Variants in LRRTM1 observed in about 807,000 individuals in gnomAD.
LRRTM1 encodes the protein leucine rich repeat transmembrane neuronal 1.
In LRRTM1, 8 loss-of-function variants were observed where a neutral mutation model predicts 37.3. The ratio of observed to expected loss-of-function variants is 0.21; its 90% CI spans 0.13 to 0.39. The LOEUF is 0.39. Among genes scored for constraint, LRRTM1 ranks in the 10% least tolerant of loss-of-function variants. The probability of loss-of-function intolerance (pLI) is 1.00; values close to 1 mark genes in which losing one functional copy is unlikely to be tolerated. For missense variants in LRRTM1, 557 were observed against 691.0 expected, an observed-to-expected ratio of 0.81 and a Z score of 2.17; for synonymous variants, 326 against 316.8, an observed-to-expected ratio of 1.03 and a Z score of -0.31.
At chr2:80,300,330 G>C (rs568300259), downstream of LRRTM1, among the ~76,000 whole-genome samples, 2 of 139,940 alleles carry the variant, frequency 1.4e-5, no homozygotes, top group East Asian at 4.2e-4. Flanking sequence ...GTGTGTGTGT[G>C]TGTAAGAAGC....
At chr2:80,297,075 C>G (rs201004402), downstream of LRRTM1, among the ~76,000 whole-genome samples, 1 of 152,328 alleles carries the variant, frequency 6.6e-6, no homozygotes, top group East Asian at 1.9e-4. Context: ...CCGGAGAAGT[C>G]TCCTCTATTG....
chr2:80,297,746 C>T (rs1004904370), downstream of LRRTM1, among the ~76,000 whole-genome samples: 2 of 152,144 alleles, frequency 1.3e-5, no homozygotes, highest in East Asian at 1.9e-4. Context: ...GCAGGTTACA[C>T]TCTGCTGTGG....
downstream of LRRTM1, chr2:80,299,356 CG>C (rs1676040417): frequency 6.6e-6 from 1 of 152,080 alleles, no homozygotes; most frequent in Non-Finnish European, 1.5e-5. Flanking sequence ...TTATTCCTGC[CG>C]TTTCCCCCCA....
At chr2:80,292,656 T>C (rs1022807104) in intron 2 of LRRTM1, among the ~76,000 whole-genome samples, 2 of 152,220 alleles carry the variant, frequency 1.3e-5, no homozygotes, top group Non-Finnish European at 2.9e-5. Context: ...GTGAGTCTGA[T>C]AGGCCTATGC....
In LRRTM1 at chr2:80,303,227, T is replaced by C. The variant is rs1410816145; in HGVS notation, c.593A>G (p.Lys198Arg). The C allele has an allele frequency of 3.1e-6, 5 of 1,613,822 alleles. No individual in the cohort carries two copies. The highest frequency in any genetic ancestry group is 4.2e-6 in the Non-Finnish European group (5 of 1,179,942). The change falls in exon 2 of 2, where the codon AAG (lysine) becomes AGG (arginine). Residue 198 changes from lysine to arginine, a missense_variant. By Grantham distance (26) the Lys-to-Arg change is conservative. Coordinates refer to ENST00000295057, the MANE Select transcript of LRRTM1 (RefSeq NM_178839.5). This position sits in a 1 kb window ranked among gnomAD's most constrained non-coding sequence, Gnocchi z 7.7. ...GGCGAAAGAGTTGCGCGCCAGACTCTTGAGCTGATTGTATCCGATGTCGAG... is the reference window on the plus strand; with the variant it reads ...GGCGAAAGAGTTGCGCGCCAGACTCCTGAGCTGATTGTATCCGATGTCGAG... ...KFLDIGYNQL[K>R]SLARNSFAGL...
At chr2:80,290,658 C>A (rs1409046399) in intron 2 of LRRTM1, among the ~76,000 whole-genome samples, 1 of 151,906 alleles carries the variant, frequency 6.6e-6, no homozygotes, top group East Asian at 1.9e-4. Context: ...TGTTGTATAT[C>A]TTTTTATGTA....
downstream of LRRTM1, among the ~76,000 whole-genome samples, chr2:80,297,585 G>C (rs1675858577): frequency 6.6e-6 from 1 of 152,150 alleles, no homozygotes; most frequent in East Asian, 1.9e-4. Context: ...GCAAGGCCAG[G>C]AGATGGTGCC....
chr2:80,292,391 A>G (rs185118874), intron 2 of LRRTM1, among the ~76,000 whole-genome samples: 205 of 152,212 alleles, frequency 1.3e-3, no homozygotes, highest in Non-Finnish European at 1.5e-3. Context: ...ACATCCTACC[A>G]TGGTAAGTGA....
chr2:80,289,413 TTAGAGA>T (rs1675045356), intron 2 of LRRTM1, among the ~76,000 whole-genome samples: 1 of 152,160 alleles, frequency 6.6e-6, no homozygotes, highest in Admixed American at 6.5e-5. Context: ...TCTCGCCTCT[TTAGAGA>T]TAATTTTTAT....
rs761440080 is a variant in LRRTM1 at position 80,302,802 on chromosome 2, A to T, written c.1018T>A (p.Leu340Met). ...GCGTACTCCGGGCTGGCGCACTGCAAGTTGCCATCGTAGCGCCCCTGGAAG... is the reference window on the plus strand; with the variant it reads ...GCGTACTCCGGGCTGGCGCACTGCATGTTGCCATCGTAGCGCCCCTGGAAG... ...NNFQGRYDGNLQCASPEYAQG... is the reference protein window; with the variant it reads ...NNFQGRYDGNMQCASPEYAQG... The change falls in exon 2 of 2, where the codon TTG becomes ATG. Residue 340 changes from leucine (L) to methionine (M), a missense_variant. Transcript: ENST00000295057. The surrounding 1 kb of genome is among the most constrained non-coding windows in gnomAD (Gnocchi z 6.4). 6 of 1,613,788 alleles carry T rather than the reference A, an allele frequency of 3.7e-6. No individual in the cohort carries two copies. In the Admixed American group the frequency reaches 1.0e-4, roughly 27 times the overall value.
At chr2:80,289,847 G>A (rs1037920369) in intron 2 of LRRTM1, among the ~76,000 whole-genome samples, 2 of 152,152 alleles carry the variant, frequency 1.3e-5, no homozygotes, top group African/African-American at 2.4e-5. Context: ...AAGTGTACTT[G>A]CCTCCCTGCT....
At chr2:80,293,093 C>T (rs1288776941) in intron 2 of LRRTM1, among the ~76,000 whole-genome samples, 1 of 152,108 alleles carries the variant, frequency 6.6e-6, no homozygotes, top group Non-Finnish European at 1.5e-5. Flanking sequence ...ATAGATTTCA[C>T]CATAAATGCA....
At chr2:80,290,395 C>T (rs141354642) in intron 2 of LRRTM1, among the ~76,000 whole-genome samples, 13 of 152,130 alleles carry the variant, frequency 8.5e-5, no homozygotes, top group African/African-American at 2.9e-4. Flanking sequence ...TCATTTCTTC[C>T]CCAGTGATTA....
At chr2:80,290,574 C>A (rs1052057187) in intron 2 of LRRTM1, among the ~76,000 whole-genome samples, 5 of 151,898 alleles carry the variant, frequency 3.3e-5, no homozygotes, top group Admixed American at 3.3e-4. Context: ...TCTCCCACTG[C>A]CCCCTTGAAA....
chr2:80,300,712 C>T (rs1676205560), downstream of LRRTM1, among the ~76,000 whole-genome samples: 1 of 152,124 alleles, frequency 6.6e-6, no homozygotes, highest in Non-Finnish European at 1.5e-5. Flanking sequence ...ACATGGGCTA[C>T]ATTGGTTCAG....
At position 80,303,136 on chromosome 2, in the gene LRRTM1, G is replaced by T. The variant is rs767640018; in HGVS notation, c.684C>A (p.His228Gln). The part of the protein sequence containing the change: ...HNDLVKVNFA[H>Q]FPRLISLHSL... ...AGTGCAGGGAGATGAGGCGCGGGAAGTGGGCGAAGTTCACCTTGACCAAGT... is the reference window on the plus strand; with the variant it reads ...AGTGCAGGGAGATGAGGCGCGGGAATTGGGCGAAGTTCACCTTGACCAAGT... The change falls in exon 2 of 2, where the codon CAC (histidine) becomes CAA (glutamine). Residue 228 changes from histidine to glutamine, a missense_variant. Transcript: ENST00000295057. This position sits in a 1 kb window ranked among gnomAD's most constrained non-coding sequence, Gnocchi z 7.7. 2.5e-6 allele frequency: 4 copies of T among 1,614,036 alleles called. No individual in the cohort carries two copies. Among genetic ancestry groups the T allele is most frequent in the Non-Finnish European group, 3.4e-6 (4 of 1,180,048 alleles).
At position 80,304,206 on chromosome 2, in the gene LRRTM1, A is replaced by G. The variant is rs1676672847; in HGVS notation, c.-114T>C. The G allele has an allele frequency of 5.9e-6, 1 of 169,068 alleles. No individual in the cohort carries two copies. Among genetic ancestry groups the G allele is most frequent in the South Asian group, 2.0e-4 (1 of 5,008 alleles). 10.5% of individuals were successfully genotyped at this position (169,068 alleles called of 1,614,324 possible). ...AGCTGCTCCCTTTGTGTGCAGGCTA[A>G]TTATATGCAGGGCGAGAGAAGACCC... On this transcript the variant is annotated 5_prime_UTR_variant, in exon 1 of 2. Coordinates refer to ENST00000295057, the MANE Select transcript of LRRTM1 (RefSeq NM_178839.5).
chr2:80,299,022 T>C (rs1676006991), downstream of LRRTM1: 1 of 152,084 alleles, frequency 6.6e-6, no homozygotes, highest in Admixed American at 6.5e-5. Context: ...TATATAAATA[T>C]TCGAAAAACC....
At position 80,302,200 on chromosome 2, in the gene LRRTM1, C is replaced by T. The variant is rs1397524847; in HGVS notation, c.*51G>A. ...CAGCCTGGTGCCCGCCGGCCCGTCC[C>T]GGCTGCCCAGGCGTATTTGGTAGCG... is the stretch of plus-strand genomic sequence containing the variant. On this transcript the variant is annotated 3_prime_UTR_variant, in exon 2 of 2. Coordinates refer to ENST00000295057, the MANE Select transcript of LRRTM1 (RefSeq NM_178839.5). The surrounding 1 kb of genome is among the most constrained non-coding windows in gnomAD (Gnocchi z 6.4). 112 of 1,571,936 alleles carry T rather than the reference C, an allele frequency of 7.1e-5. 1 individual carries two copies. The highest frequency in any genetic ancestry group is 9.7e-5 in the Non-Finnish European group (112 of 1,158,520).
Sources: allele counts gnomAD v4.1 joint callset (sites outside exome capture counted in the v4.1 genomes callset), GRCh38; gene constraint gnomAD v4.1.1; non-coding constraint Gnocchi (gnomAD v3.1); transcripts MANE v1.5; gene names NCBI Gene and HGNC (gene_info 2026-07-23, HGNC 2026-07-21).